ADAM18: variants seen among roughly 807,000 people sequenced by gnomAD.
ADAM18 encodes the protein ADAM metallopeptidase domain 18.
Under a neutral mutation model 94.4 loss-of-function variants are expected in ADAM18, and 117 were observed. The observed-to-expected ratio is 1.24, with a 90% confidence interval of 1.07 to 1.45. ADAM18 has a LOEUF of 1.45. Ranked by LOEUF, ADAM18 falls within the 40% of genes most tolerant of loss-of-function variation. The pLI, the probability that ADAM18 is intolerant of heterozygous loss-of-function variation, is 0.00. For missense variants in ADAM18, 936 were observed against 880.0 expected, an observed-to-expected ratio of 1.06 and a Z score of -0.81; for synonymous variants, 327 against 291.6, an observed-to-expected ratio of 1.12 and a Z score of -1.24.
chr8:39,595,549 C>T (rs1340813869), intron 2 of ADAM18, among the ~76,000 whole-genome samples: 2 of 152,124 alleles, frequency 1.3e-5, no homozygotes, highest in Admixed American at 6.5e-5. Flanking sequence ...GAGATTCACT[C>T]TGGAAATTCA....
rs191702730 is a variant in ADAM18 at position 39,677,661 on chromosome 8, A to T, written c.1631+125A>T. The T allele has an allele frequency of 1.9e-3, 1,169 of 625,504 alleles. 23 individuals are homozygous for T. In the South Asian group the frequency reaches 0.025, roughly 14 times the overall value. 38.7% of individuals were successfully genotyped at this position (625,504 alleles called of 1,614,324 possible). On this transcript the variant is annotated intron_variant, in intron 15 of 19. Coordinates refer to ENST00000265707, the MANE Select transcript of ADAM18 (RefSeq NM_014237.3). The stretch of plus-strand genomic sequence containing the variant: ...GGAATATTTTCAAATACCAATGCAT[A>T]TATTTTTTCTATGAAATTCAGGATT...
chr8:39,719,484 T>C (rs1822685054), intron 18 of ADAM18, among the ~76,000 whole-genome samples: 1 of 151,324 alleles, frequency 6.6e-6, no homozygotes, highest in Non-Finnish European at 1.5e-5. Context: ...AAATTAGGAC[T>C]TTTGCTATTC....
intron 7 of ADAM18, among the ~76,000 whole-genome samples, chr8:39,630,999 A>G (rs906661987): frequency 1.3e-5 from 2 of 151,942 alleles, no homozygotes; most frequent in Non-Finnish European, 2.9e-5. Context: ...ATATTTTCAT[A>G]CCATTGTTTA....
chr8:39,654,021 A>G (rs28693584), intron 12 of ADAM18, among the ~76,000 whole-genome samples: 4,766 of 151,166 alleles, frequency 0.032, 263 homozygotes, highest in African/African-American at 0.11. Flanking sequence ...CTCTGCCTTC[A>G]TGAGATCCAC....
chr8:39,645,036 T>G (rs1820340284), intron 10 of ADAM18, among the ~76,000 whole-genome samples: 1 of 152,140 alleles, frequency 6.6e-6, no homozygotes. Context: ...TTGGATGAAC[T>G]GATTCAATGA....
chr8:39,712,382 CAAGAT>C (rs373227238), intron 18 of ADAM18, among the ~76,000 whole-genome samples: 2,968 of 152,200 alleles, frequency 0.02, 88 homozygotes, highest in African/African-American at 0.068. Flanking sequence ...AAAACTGGCA[CAAGAT>C]AAGGATGCCC....
In ADAM18 at chr8:39,619,153, A is replaced by G. The variant is rs111311109; in HGVS notation, c.522+8447A>G. On this transcript the variant is annotated intron_variant, in intron 6 of 19. Transcript: ENST00000265707. ...CAAATATCTTTGCACCCAATATTGT[A>G]GCACCTAAATAGATAAAGCAAACAT... Among the ~76,000 whole-genome samples the G allele has an allele frequency of 2.9e-3, 443 of 152,366 alleles. 6 individuals are homozygous for G. The highest frequency in any genetic ancestry group is 0.01 in the African/African-American group (426 of 41,590).
At chr8:39,616,992 G>T (rs766127369) in intron 6 of ADAM18, among the ~76,000 whole-genome samples, 6 of 152,228 alleles carry the variant, frequency 3.9e-5, no homozygotes, top group African/African-American at 7.2e-5. Flanking sequence ...AAAAGCAATT[G>T]TAACAAAACC....
intron 6 of ADAM18, among the ~76,000 whole-genome samples, chr8:39,614,515 C>T (rs1015383544): frequency 6.6e-6 from 1 of 152,128 alleles, no homozygotes; most frequent in African/African-American, 2.4e-5. Context: ...CACAAAAGAA[C>T]ACTAAGTACA....
intron 12 of ADAM18, among the ~76,000 whole-genome samples, chr8:39,651,817 A>G (rs1360569469): frequency 6.6e-6 from 1 of 152,202 alleles, no homozygotes; most frequent in East Asian, 1.9e-4. Context: ...TGAAAAGAGC[A>G]AAGTTGGAGG....
intron 11 of ADAM18, 116 bp from the exon 12 acceptor site, chr8:39,648,228 A>G (rs1183851708): frequency 6.1e-6 from 4 of 658,646 alleles, no homozygotes; most frequent in East Asian, 3.0e-5. Flanking sequence ...AATCTCTGCT[A>G]AAGTATAAAT....
rs1051199448 is a variant in ADAM18, at chr8:39,590,908, A to G, written c.132+5556A>G. Among the ~76,000 whole-genome samples the G allele has an allele frequency of 3.9e-5, 6 of 152,158 alleles. No homozygotes were observed. In the East Asian group the frequency reaches 1.2e-3, roughly 29 times the overall value. On this transcript the variant is annotated intron_variant, in intron 2 of 19. Coordinates refer to ENST00000265707, the MANE Select transcript of ADAM18 (RefSeq NM_014237.3). ...TTTGCTTATTATTGTTCAAAACTGAAAGTTCCAGGCATGTCTTGGAGATAT... is the reference window on the plus strand; with the variant it reads ...TTTGCTTATTATTGTTCAAAACTGAGAGTTCCAGGCATGTCTTGGAGATAT...
chr8:39,703,087 T>G (rs1344757680), intron 17 of ADAM18, among the ~76,000 whole-genome samples: 2 of 152,364 alleles, frequency 1.3e-5, no homozygotes, highest in Non-Finnish European at 2.9e-5. Context: ...GAGGCTGTTT[T>G]CACAATATTG....
intron 16 of ADAM18, among the ~76,000 whole-genome samples, chr8:39,690,959 T>C (rs1821758542): frequency 6.6e-6 from 1 of 152,166 alleles, no homozygotes; most frequent in Non-Finnish European, 1.5e-5. Flanking sequence ...GAATCAACCT[T>C]GAAGCCCATC....
At chr8:39,585,535 G>A (rs1818372206) in intron 2 of ADAM18, among the ~76,000 whole-genome samples, 183 bp downstream of exon 2, 1 of 152,026 alleles carries the variant, frequency 6.6e-6, no homozygotes, top group African/African-American at 2.4e-5. Flanking sequence ...TTATTTCCCT[G>A]TCTTTTCTCT....
chr8:39,678,368 C>A (rs1821352625), intron 15 of ADAM18, among the ~76,000 whole-genome samples: 2 of 152,122 alleles, frequency 1.3e-5, no homozygotes, highest in African/African-American at 4.8e-5. Context: ...AAGTAGTATC[C>A]TCCATCACCC....
rs942735191 is a variant in ADAM18, at chr8:39,720,002, G to T, written c.2018-3746G>T. Among the ~76,000 whole-genome samples, 9 of 151,310 alleles carry T rather than the reference G, an allele frequency of 5.9e-5. No individual in the cohort carries two copies. The South Asian group carries it at 1.9e-3, about 31-fold the overall frequency. ...AAATCTGGTAACAATGTAAATATAA[G>T]TCAAAATCTATATAGTAACAATTTT... On this transcript the variant is annotated intron_variant, in intron 18 of 19. Transcript: ENST00000265707.
chr8:39,680,367 A>G (rs1821420797), intron 16 of ADAM18, 141 bp downstream of exon 16: 2 of 848,648 alleles, frequency 2.4e-6, no homozygotes, highest in South Asian at 4.1e-5. Flanking sequence ...TATTTAAATG[A>G]TAATTAAAAC....
At chr8:39,684,053 G>A (rs1179605608) in intron 16 of ADAM18, among the ~76,000 whole-genome samples, 2 of 152,138 alleles carry the variant, frequency 1.3e-5, no homozygotes, top group Non-Finnish European at 2.9e-5. Flanking sequence ...GCTGAAGCAA[G>A]AGGATCTCTT....
Sources: gnomAD v4.1 joint callset for allele counts (sites outside exome capture counted in the v4.1 genomes callset) on GRCh38, gnomAD v4.1.1 for gene constraint, MANE v1.5 for transcripts, NCBI Gene and HGNC (gene_info 2026-07-23, HGNC 2026-07-21) for gene names.